DPP6: variants seen among roughly 807,000 people sequenced by gnomAD.
DPP6 encodes the protein A-type potassium channel modulatory protein DPP6.
DPP6 carries 69 observed loss-of-function variants against 122.6 expected under a neutral mutation model. The observed-to-expected ratio is 0.56, with a 90% confidence interval of 0.46 to 0.69. The LOEUF is 0.69. DPP6 is among the 30% of genes least tolerant of loss of function. The probability of loss-of-function intolerance (pLI) is 0.00; values close to 1 mark genes in which losing one functional copy is unlikely to be tolerated. For synonymous variants in DPP6, 418 were observed against 433.1 expected (o/e 0.97, Z 0.43); for missense variants, 928 against 1,116.9 (o/e 0.83, Z 2.41).
intron 10 of DPP6, among the ~76,000 whole-genome samples, chr7:154,791,793 G>A (rs1427636725): frequency 6.6e-6 from 1 of 152,234 alleles, no homozygotes; most frequent in Middle Eastern, 3.2e-3. Context: ...TGTCACTGCT[G>A]TTGATGCTGC....
chr7:154,742,197 C>T (rs1170217888), intron 8 of DPP6, among the ~76,000 whole-genome samples: 1 of 152,214 alleles, frequency 6.6e-6, no homozygotes, highest in Non-Finnish European at 1.5e-5. Context: ...CCAAGACCAC[C>T]TGCAGGAAGC....
In DPP6 at chr7:154,518,016, T is replaced by A. The variant is rs553431157; in HGVS notation, c.458-22516T>A. ...CATCAGCTAACAGGACAGAACTCAT[T>A]ACTGACTGAAGATTGCTACGATGCC... On this transcript the variant is annotated intron_variant, in intron 3 of 25. Coordinates refer to ENST00000377770, the MANE Select transcript of DPP6 (RefSeq NM_130797.4). Among the ~76,000 whole-genome samples the A allele has an allele frequency of 4.6e-5, 7 of 152,304 alleles. No homozygotes were observed. The East Asian group carries it at 1.4e-3, about 29-fold the overall frequency.
intron 6 of DPP6, among the ~76,000 whole-genome samples, chr7:154,656,911 T>G: frequency 2.1e-5 from 1 of 48,290 alleles, no homozygotes; most frequent in African/African-American, 6.5e-5. Context: ...CATGGGTGGG[T>G]GGAGAGGATG....
intron 7 of DPP6, among the ~76,000 whole-genome samples, chr7:154,719,389 G>C (rs7790850): frequency 0.86 from 130,437 of 151,056 alleles, 57,785 homozygotes; most frequent in East Asian, 0.99. Context: ...GGCCACGGGG[G>C]TGGAAGGAAG....
intron 1 of DPP6, among the ~76,000 whole-genome samples, chr7:153,906,253 A>G (rs186235564): frequency 6.6e-6 from 1 of 152,182 alleles, no homozygotes; most frequent in Non-Finnish European, 1.5e-5. Context: ...TTACGCGGAT[A>G]TAGTGTGTGG....
chr7:154,024,695 G>T (rs767959440), intron 1 of DPP6, among the ~76,000 whole-genome samples: 1 of 152,154 alleles, frequency 6.6e-6, no homozygotes, highest in South Asian at 2.1e-4. Context: ...TCTTGTTTAG[G>T]GTTTATTGTG....
the DPP6 span, among the ~76,000 whole-genome samples, chr7:153,855,012 C>G: frequency 1.1e-3 from 160 of 139,892 alleles, 2 homozygotes; most frequent in African/African-American, 3.8e-3. Flanking sequence ...ACCGCATATT[C>G]TCACTCATAG....
chr7:154,859,868 G>T (rs1331346497), intron 17 of DPP6, among the ~76,000 whole-genome samples: 3 of 152,116 alleles, frequency 2.0e-5, no homozygotes, highest in Admixed American at 6.5e-5. Flanking sequence ...TCGAAATTGC[G>T]GTGTGGCTTG....
At chr7:154,300,589 C>T (rs1805838737) in intron 1 of DPP6, among the ~76,000 whole-genome samples, 1 of 152,138 alleles carries the variant, frequency 6.6e-6, no homozygotes, top group Admixed American at 6.5e-5. Context: ...ACTGGATCTC[C>T]CGCCCAAGCA....
chr7:154,559,821 C>G (rs1029021862), intron 4 of DPP6, among the ~76,000 whole-genome samples: 2 of 151,590 alleles, frequency 1.3e-5, no homozygotes, highest in African/African-American at 4.8e-5. Flanking sequence ...AGAAGGATCC[C>G]TTGAGCCTAG....
intron 1 of DPP6, among the ~76,000 whole-genome samples, chr7:153,893,226 G>A (rs1464598886): frequency 6.6e-6 from 1 of 152,134 alleles, no homozygotes; most frequent in African/African-American, 2.4e-5. Context: ...ACATATAAAT[G>A]TACTAAATTG....
At chr7:154,156,917 T>C (rs1796711000) in intron 1 of DPP6, among the ~76,000 whole-genome samples, 3 of 152,268 alleles carry the variant, frequency 2.0e-5, no homozygotes, top group Admixed American at 2.0e-4. Context: ...TGTGCCCCAT[T>C]GGTGGGTGGG....
intron 5 of DPP6, among the ~76,000 whole-genome samples, chr7:154,600,554 C>T (rs1833369704): frequency 8.2e-6 from 1 of 121,424 alleles, no homozygotes; most frequent in African/African-American, 2.6e-5. Flanking sequence ...CTCCTTTAAT[C>T]TTCACAAGAA....
intron 1 of DPP6, among the ~76,000 whole-genome samples, chr7:153,997,507 G>A (rs931900955): frequency 5.9e-5 from 9 of 151,624 alleles, no homozygotes; most frequent in Non-Finnish European, 1.0e-4. Context: ...CATTCACCTG[G>A]TGATCACTTA....
intron 1 of DPP6, among the ~76,000 whole-genome samples, chr7:154,288,590 A>C (rs1383029942): frequency 6.6e-6 from 1 of 152,234 alleles, no homozygotes; most frequent in Non-Finnish European, 1.5e-5. Flanking sequence ...CATGTGTAAA[A>C]GCATTTTTTA....
intron 1 of DPP6, among the ~76,000 whole-genome samples, chr7:154,412,624 A>G (rs2151208819): frequency 6.6e-6 from 1 of 152,330 alleles, no homozygotes; most frequent in African/African-American, 2.4e-5. Context: ...ATCTCTGGAA[A>G]TGGAAATGCT....
Position 154,026,829 on chromosome 7 carries a change from A to G in DPP6, c.51+139095A>G, listed in dbSNP as rs1798976698. The stretch of plus-strand genomic sequence containing the variant: ...CAAAAGTGGTTCTAGCCTTTCTGTA[A>G]TCTTTCATATGAGCTTGTTGTTCTG... On this transcript the variant is annotated intron_variant, in intron 1 of 25. Transcript: ENST00000404039. 2.0e-5 allele frequency: 3 copies of G among 152,218 alleles called. No homozygotes were observed. In the South Asian group the frequency reaches 6.2e-4, roughly 32 times the overall value. 9.4% of individuals were successfully genotyped at this position (152,218 alleles called of 1,614,324 possible).
At chr7:153,853,383 T>C in the DPP6 span, among the ~76,000 whole-genome samples, 11 of 152,350 alleles carry the variant, frequency 7.2e-5, no homozygotes, top group Middle Eastern at 3.4e-3. Flanking sequence ...TTTATGTCTG[T>C]TATGTCATTT....
intron 8 of DPP6, among the ~76,000 whole-genome samples, chr7:154,753,877 C>T (rs1395062278): frequency 6.6e-6 from 1 of 152,194 alleles, no homozygotes; most frequent in African/African-American, 2.4e-5. Flanking sequence ...CTCTCCTCTA[C>T]ACAGAGGCCC....
Sources: gnomAD v4.1 joint callset for allele counts (sites outside exome capture counted in the v4.1 genomes callset) on GRCh38, gnomAD v4.1.1 for gene constraint, MANE v1.5 for transcripts, NCBI Gene and HGNC (gene_info 2026-07-23, HGNC 2026-07-21) for gene names.